The following GRK4 variants were observed in gnomAD, a reference collection of about 807,000 sequenced individuals.
The protein encoded by GRK4 is G protein-coupled receptor kinase 4.
Under a neutral mutation model 77.9 loss-of-function variants are expected in GRK4, and 73 were observed. The ratio of observed to expected loss-of-function variants is 0.94; its 90% CI spans 0.78 to 1.14. The LOEUF is 1.14. GRK4 is among the 50% of genes most tolerant of loss of function. The pLI, the probability that GRK4 is intolerant of heterozygous loss-of-function variation, is 0.00. For missense variants in GRK4, 729 were observed against 700.2 expected, an observed-to-expected ratio of 1.04 and a Z score of -0.46; for synonymous variants, 257 against 254.4, an observed-to-expected ratio of 1.01 and a Z score of -0.10.
At chr4:3,004,879 A>C (rs1277832982) in intron 5 of GRK4, among the ~76,000 whole-genome samples, 3 of 151,924 alleles carry the variant, frequency 2.0e-5, no homozygotes, top group African/African-American at 7.3e-5. Flanking sequence ...TTCAAGGGTC[A>C]ACTGTACTTT....
In GRK4 at chr4:2,963,896, G is replaced by T; in HGVS notation, c.-175G>T. On this transcript the variant is annotated 5_prime_UTR_variant, in exon 1 of 16. Transcript: ENST00000398052. ...GTGAGGGCCTGCGGAGGCGGCGGCG[G>T]CGGCGCCCTTGGTGGCAGTGGTGGC... 1.5e-6 allele frequency: 1 copy of T among 668,210 alleles called. No homozygotes were observed. Among genetic ancestry groups the T allele is most frequent in the Admixed American group, 2.4e-5 (1 of 41,342 alleles). 41.4% of individuals were successfully genotyped at this position (668,210 alleles called of 1,614,324 possible). A position where few individuals can be genotyped will look rare whatever the true frequency, so the allele number is the denominator to read the frequency against.
intron 8 of GRK4, among the ~76,000 whole-genome samples, chr4:3,019,129 T>G (rs540041771): frequency 1.7e-4 from 26 of 152,240 alleles, no homozygotes; most frequent in African/African-American, 6.3e-4. Context: ...TGGCTATTAA[T>G]TATATGAAAG....
intron 4 of GRK4, among the ~76,000 whole-genome samples, chr4:2,997,371 T>C (rs944758133): frequency 1.3e-5 from 2 of 152,124 alleles, no homozygotes; most frequent in African/African-American, 4.8e-5. Context: ...TTTGATAAAA[T>C]CCACACCCCT....
At chr4:3,008,584 C>T (rs1395894204) in intron 6 of GRK4, among the ~76,000 whole-genome samples, 1 of 151,634 alleles carries the variant, frequency 6.6e-6, no homozygotes, top group Non-Finnish European at 1.5e-5. Context: ...GGGTGGATCA[C>T]CTGAGGTCAG....
chr4:3,023,926 A>G (rs1321403989), intron 10 of GRK4, among the ~76,000 whole-genome samples: 1 of 152,212 alleles, frequency 6.6e-6, no homozygotes, highest in Non-Finnish European at 1.5e-5. Flanking sequence ...AAAGAAACAT[A>G]AAGGGACAAT....
At chr4:2,995,296 C>T (rs1411002385) in intron 4 of GRK4, among the ~76,000 whole-genome samples, 1 of 152,020 alleles carries the variant, frequency 6.6e-6, no homozygotes, top group Non-Finnish European at 1.5e-5. Context: ...TCTTGGCTCA[C>T]AGTTTTAGAG....
chr4:2,985,984 C>CAAAAAA (rs1181104072), intron 2 of GRK4, among the ~76,000 whole-genome samples: 15 of 91,672 alleles, frequency 1.6e-4, no homozygotes, highest in Middle Eastern at 5.7e-3. Flanking sequence ...GACTCCGTCT[C>CAAAAAA]AAAAAAAAAA....
rs779950728 is a variant in GRK4, at chr4:3,035,429, A to C, written c.1313A>C (p.Glu438Ala). ...AGCAAGCGGCTGGGCTGCAGGGGCG[A>C]GGGAGCGGCTGGGGTGAAGCAGCAC... is the stretch of plus-strand genomic sequence containing the variant. ...NPSKRLGCRGEGAAGVKQHPV... is the reference protein window; with the variant it reads ...NPSKRLGCRGAGAAGVKQHPV... Residue 438 changes from glutamate (E) to alanine (A), a missense_variant, in exon 13 of 16, where the codon GAG (glutamate) becomes GCG (alanine). Coordinates refer to ENST00000398052, the MANE Select transcript of GRK4 (RefSeq NM_182982.3). The C allele has an allele frequency of 1.9e-6, 3 of 1,613,822 alleles. No individual in the cohort carries two copies. The highest frequency in any genetic ancestry group is 2.5e-6 in the Non-Finnish European group (3 of 1,179,928).
rs36001597 is a variant in GRK4 at position 2,986,354 on chromosome 4, C to CTTTTTTTTTTT, written c.148+1757_148+1767dup. ...GTTCTTTATATATAAAAGGTGTTAT[C>CTTTTTTTTTTT]TTTTTTTTTTTTTTTTTTTTTGAGA... On this transcript the variant is annotated intron_variant, in intron 2 of 15. Transcript: ENST00000398052. 2.6e-4 allele frequency among the ~76,000 whole-genome samples: 19 copies of CTTTTTTTTTTT among 73,256 alleles called. 2 individuals carry two copies. The highest frequency in any genetic ancestry group is 9.6e-4 in the African/African-American group (17 of 17,748). 48.1% of individuals were successfully genotyped at this position (73,256 alleles called of 152,430 possible). A position where few individuals can be genotyped will look rare whatever the true frequency, so the allele number is the denominator to read the frequency against.
intron 10 of GRK4, among the ~76,000 whole-genome samples, chr4:3,025,838 A>G (rs933959467): frequency 4.6e-5 from 7 of 152,148 alleles, no homozygotes; most frequent in Admixed American, 4.6e-4. Flanking sequence ...TCATTCCTTC[A>G]TTTACATACT....
At chr4:2,973,801 T>G (rs1177798225) in intron 1 of GRK4, among the ~76,000 whole-genome samples, 1 of 152,128 alleles carries the variant, frequency 6.6e-6, no homozygotes, top group Non-Finnish European at 1.5e-5. Flanking sequence ...TTAAGCCAGA[T>G]TGTGTCGGCC....
At chr4:2,988,100 G>T (rs896257697) in intron 2 of GRK4, among the ~76,000 whole-genome samples, 17 of 99,408 alleles carry the variant, frequency 1.7e-4, no homozygotes, top group East Asian at 2.6e-4. Context: ...AAAAAAAAAA[G>T]AAGTAGAATC....
intron 1 of GRK4, among the ~76,000 whole-genome samples, chr4:2,975,120 T>G (rs1285772544): frequency 1.3e-5 from 2 of 152,126 alleles, no homozygotes; most frequent in African/African-American, 4.8e-5. Flanking sequence ...CTGGCCAACA[T>G]GGTGAAACCC....
At chr4:3,026,037 G>C (rs1314926162) in intron 10 of GRK4, among the ~76,000 whole-genome samples, 1 of 152,252 alleles carries the variant, frequency 6.6e-6, no homozygotes, top group African/African-American at 2.4e-5. Context: ...GCCCTCGCTG[G>C]TAAGCGTGTC....
chr4:3,001,608 C>G (rs756372106), intron 4 of GRK4, among the ~76,000 whole-genome samples: 1 of 152,076 alleles, frequency 6.6e-6, no homozygotes, highest in African/African-American at 2.4e-5. Flanking sequence ...CTCAGGTGAT[C>G]CACCCTCCTT....
At position 2,963,736 on chromosome 4, in the gene GRK4, T is replaced by G; in HGVS notation, c.-335T>G. 9.9e-6 allele frequency: 4 copies of G among 403,244 alleles called. No individual in the cohort carries two copies. Among genetic ancestry groups the G allele is most frequent in the East Asian group, 1.0e-4 (2 of 19,730 alleles). 25.0% of individuals were successfully genotyped at this position (403,244 alleles called of 1,614,324 possible). A position where few individuals can be genotyped will look rare whatever the true frequency, so the allele number is the denominator to read the frequency against. ...TCGGGGCTGCCCGGGGGCAGGGCAC[T>G]GAGGAGGGAGTTGCGCGCGCGAGGC... is the stretch of plus-strand genomic sequence containing the variant. On this transcript the variant is annotated 5_prime_UTR_variant, in exon 1 of 16. Transcript: ENST00000398052.
At chr4:2,987,125 G>A (rs776990633) in intron 2 of GRK4, 20 of 518,048 alleles carry the variant, frequency 3.9e-5, no homozygotes, top group Non-Finnish European at 6.2e-5. Context: ...CTTCCTGCCC[G>A]CTACCTCCAG....
intron 4 of GRK4, among the ~76,000 whole-genome samples, chr4:3,000,321 A>C (rs1729143814): frequency 6.6e-6 from 1 of 152,194 alleles, no homozygotes; most frequent in African/African-American, 2.4e-5. Flanking sequence ...TTTCTATGAT[A>C]TAGAAAATGG....
intron 12 of GRK4, 134 bp from the exon 13 acceptor site, chr4:3,035,252 G>T: frequency 2.2e-6 from 2 of 923,066 alleles, no homozygotes; most frequent in Non-Finnish European, 1.7e-6. Flanking sequence ...CTCAAAAAAA[G>T]AAAAAAAAAG....
Sources: gnomAD v4.1 joint callset for allele counts (sites outside exome capture counted in the v4.1 genomes callset) on GRCh38, gnomAD v4.1.1 for gene constraint, MANE v1.5 for transcripts, NCBI Gene and HGNC (gene_info 2026-07-23, HGNC 2026-07-21) for gene names.